The following NFKBIE variants were observed in gnomAD, a reference collection of about 807,000 sequenced individuals.
The protein encoded by NFKBIE is NF-kappa-B inhibitor epsilon.
Under a neutral mutation model 31.6 loss-of-function variants are expected in NFKBIE, and 11 were observed. The ratio of observed to expected loss-of-function variants is 0.35; its 90% CI spans 0.22 to 0.58. The LOEUF is 0.58. Among genes scored for constraint, NFKBIE ranks in the 20% least tolerant of loss-of-function variants. NFKBIE has a pLI of 0.83. For synonymous variants in NFKBIE, 208 were observed against 210.1 expected (o/e 0.99, Z 0.09); for missense variants, 354 against 465.7 (o/e 0.76, Z 2.21).
chr6:44,265,482 G>A lies in NFKBIE; in HGVS notation c.-136C>T, dbSNP rs976281849. On this transcript the variant is annotated 5_prime_UTR_variant, in exon 1 of 6. Transcript: ENST00000619360. ...GCGGCGGCCTCCTTCCCGGGCTGTG[G>A]GGCTCCGAGGGGCCGGCGCGCAGCG... 1.3e-6 allele frequency: 2 copies of A among 1,527,900 alleles called. No homozygotes were observed. Among genetic ancestry groups the A allele is most frequent in the Non-Finnish European group, 1.8e-6 (2 of 1,140,958 alleles). The allele number at this position is 1,527,900 out of a possible 1,614,324, so 94.6% of individuals were successfully genotyped here. A position where few individuals can be genotyped will look rare whatever the true frequency, so the allele number is the denominator to read the frequency against.
At position 44,263,873 on chromosome 6, in the gene NFKBIE, T is replaced by C. The variant is rs1782016878; in HGVS notation, c.365+1109A>G. 6.6e-6 allele frequency among the ~76,000 whole-genome samples: 1 copy of C among 152,102 alleles called. No homozygotes were observed. Among genetic ancestry groups the C allele is most frequent in the Admixed American group, 6.5e-5 (1 of 15,278 alleles). On this transcript the variant is annotated intron_variant, in intron 1 of 5. Coordinates refer to ENST00000619360, the MANE Select transcript of NFKBIE (RefSeq NM_004556.3). The surrounding 1 kb of genome is among the most constrained non-coding windows in gnomAD (Gnocchi z 5.0). ...GAGAGGCTAACAAAAGACGGCAATGTCAAAAGTCCCCTCTCCTTGGATCAA... is the reference window on the plus strand; with the variant it reads ...GAGAGGCTAACAAAAGACGGCAATGCCAAAAGTCCCCTCTCCTTGGATCAA...
rs879295969 is a variant in NFKBIE at position 44,261,242 on chromosome 6, CT to C, written c.691+383del. Among the ~76,000 whole-genome samples the C allele has an allele frequency of 3.9e-5, 6 of 152,188 alleles. No individual in the cohort carries two copies. Among genetic ancestry groups the C allele is most frequent in the Non-Finnish European group, 7.3e-5 (5 of 68,048 alleles). ...TCCTTTTAACATATTACATAGTTCA[CT>C]TCTTACATTTATTGCTCATCTCAAT... On this transcript the variant is annotated intron_variant, in intron 3 of 5. Coordinates refer to ENST00000619360, the MANE Select transcript of NFKBIE (RefSeq NM_004556.3). The surrounding 1 kb of genome is among the most constrained non-coding windows in gnomAD (Gnocchi z 4.3).
Position 44,263,923 on chromosome 6 carries a change from C to T in NFKBIE, c.365+1059G>A, listed in dbSNP as rs1782018935. On this transcript the variant is annotated intron_variant, in intron 1 of 5. Transcript: ENST00000619360. The surrounding 1 kb of genome is among the most constrained non-coding windows in gnomAD (Gnocchi z 5.0). The stretch of plus-strand genomic sequence containing the variant: ...AAGGTCATCAGAGGTATCTTGCGTG[C>T]AGCCCCCAAAACCTTGGGGTTCTGG... Among the ~76,000 whole-genome samples, 1 of 152,170 alleles carries T rather than the reference C, an allele frequency of 6.6e-6. No individual in the cohort carries two copies. Among genetic ancestry groups the T allele is most frequent in the Non-Finnish European group, 1.5e-5 (1 of 68,034 alleles).
rs1781766525 is a variant in NFKBIE, at chr6:44,258,580, A to C, written c.*639T>G. ...AAGGCCCTACCGTGCTCAGGGGACAATTTCCTTCTCTCTGCCTCTACCACA... is the reference window on the plus strand; with the variant it reads ...AAGGCCCTACCGTGCTCAGGGGACACTTTCCTTCTCTCTGCCTCTACCACA... On this transcript the variant is annotated 3_prime_UTR_variant, in exon 6 of 6. Transcript: ENST00000619360. The C allele has an allele frequency of 6.6e-6, 1 of 152,548 alleles. No individual in the cohort carries two copies. 9.4% of individuals were successfully genotyped at this position (152,548 alleles called of 1,614,324 possible).
intron 5 of NFKBIE, 106 bp downstream of exon 5, chr6:44,259,937 G>A: frequency 2.0e-6 from 3 of 1,484,172 alleles, no homozygotes; most frequent in East Asian, 4.7e-5. Flanking sequence ...GCAGAGTCCT[G>A]GTTATACCCC....
In NFKBIE at chr6:44,265,229, G is replaced by T; in HGVS notation, c.118C>A (p.Pro40Thr). Residue 40 changes from proline (P) to threonine (T), a missense_variant, in exon 1 of 6, where the codon CCC becomes ACC. Coordinates refer to ENST00000619360, the MANE Select transcript of NFKBIE (RefSeq NM_004556.3). ...PESTSAPASG[P>T]SDGSPQPCTH... ...CAGGGCTGGGGGCTGCCGTCCGAGG[G>T]CCCGGAGGCTGGAGCCGAGGTGGAC... 6.4e-7 allele frequency: 1 copy of T among 1,552,410 alleles called. No individual in the cohort carries two copies. Among genetic ancestry groups the T allele is most frequent in the Non-Finnish European group, 8.7e-7 (1 of 1,147,460 alleles).
intron 2 of NFKBIE, 32 bp downstream of exon 2, chr6:44,262,528 G>A: frequency 6.3e-7 from 1 of 1,577,574 alleles, no homozygotes; most frequent in Non-Finnish European, 8.7e-7. Context: ...GCACAAACAG[G>A]TATCTGGGCA....
rs765370612 is a variant in NFKBIE, at chr6:44,258,263, A to G, written c.*956T>C. 2 of 152,146 alleles carry G rather than the reference A, an allele frequency of 1.3e-5. No homozygotes were observed. Among genetic ancestry groups the G allele is most frequent in the Non-Finnish European group, 2.9e-5 (2 of 68,046 alleles). 9.4% of individuals were successfully genotyped at this position (152,146 alleles called of 1,614,324 possible). A position where few individuals can be genotyped will look rare whatever the true frequency, so the allele number is the denominator to read the frequency against. ...AAGTGGTCAGAGACTGTGCTGGTTT[A>G]TTGCCCCATGCTCTTCATGCCAGCA... On this transcript the variant is annotated 3_prime_UTR_variant, in exon 6 of 6. Transcript: ENST00000619360.
rs943089575 is a variant in NFKBIE, at chr6:44,258,180, T to A, written c.*1039A>T. On this transcript the variant is annotated 3_prime_UTR_variant, in exon 6 of 6. Coordinates refer to ENST00000619360, the MANE Select transcript of NFKBIE (RefSeq NM_004556.3). ...GCACCCACTGCAACTTGGAAAGGCA[T>A]CTTTATTTGGATGTTTATGCTTTTA... The A allele has an allele frequency of 6.6e-6, 1 of 152,216 alleles. No individual in the cohort carries two copies. The highest frequency in any genetic ancestry group is 2.4e-5 in the African/African-American group (1 of 41,422). The allele number at this position is 152,216 out of a possible 1,614,324, so 9.4% of individuals were successfully genotyped here. A position where few individuals can be genotyped will look rare whatever the true frequency, so the allele number is the denominator to read the frequency against.
At position 44,260,868 on chromosome 6, in the gene NFKBIE, C is replaced by T. The variant is rs1323979744; in HGVS notation, c.692-329G>A. On this transcript the variant is annotated intron_variant, in intron 3 of 5. Transcript: ENST00000619360. This position sits in a 1 kb window ranked among gnomAD's most constrained non-coding sequence, Gnocchi z 5.5. Reference sequence around the variant, plus strand: ...ACACACACACACATACAGACACACACACACACACACACACACACACACAAC... The same window carrying T: ...ACACACACACACATACAGACACACATACACACACACACACACACACACAAC... 7.0e-6 allele frequency among the ~76,000 whole-genome samples: 1 copy of T among 142,252 alleles called. No homozygotes were observed. The highest frequency in any genetic ancestry group is 1.6e-5 in the Non-Finnish European group (1 of 63,040). 93.3% of individuals were successfully genotyped at this position (142,252 alleles called of 152,430 possible). A position where few individuals can be genotyped will look rare whatever the true frequency, so the allele number is the denominator to read the frequency against.
intron 2 of NFKBIE, among the ~76,000 whole-genome samples, chr6:44,262,116 A>T (rs1469889149): frequency 6.6e-6 from 1 of 152,068 alleles, no homozygotes; most frequent in African/African-American, 2.4e-5. Flanking sequence ...TGGAGAAAGG[A>T]CATGTAGGAG....
At chr6:44,259,780 T>C (rs964012944) in intron 5 of NFKBIE, among the ~76,000 whole-genome samples, 1 of 152,196 alleles carries the variant, frequency 6.6e-6, no homozygotes, top group African/African-American at 2.4e-5. Flanking sequence ...GATGGCTCTC[T>C]GGGTTCTTAT....
intron 5 of NFKBIE, among the ~76,000 whole-genome samples, 156 bp from the exon 6 acceptor site, chr6:44,259,440 T>C (rs1781810754): frequency 6.6e-6 from 1 of 152,000 alleles, no homozygotes; most frequent in Non-Finnish European, 1.5e-5. Context: ...CTCAAAATAG[T>C]GGCCCCTCTG....
Position 44,258,986 on chromosome 6 carries a change from G to A in NFKBIE, c.*233C>T, listed in dbSNP as rs1007505776. The stretch of plus-strand genomic sequence containing the variant: ...TCACCCAGGATACCTGGGGCTTTGG[G>A]GGTCTTCCAAGAAGCCCTGTCCACC... On this transcript the variant is annotated 3_prime_UTR_variant, in exon 6 of 6. Transcript: ENST00000619360. The A allele has an allele frequency of 7.5e-6, 3 of 400,890 alleles. No individual in the cohort carries two copies. The highest frequency in any genetic ancestry group is 4.7e-6 in the Non-Finnish European group (1 of 212,906). The allele number at this position is 400,890 out of a possible 1,614,324, so 24.8% of individuals were successfully genotyped here. A position where few individuals can be genotyped will look rare whatever the true frequency, so the allele number is the denominator to read the frequency against.
At chr6:44,262,869 A>G (rs772214211) in intron 1 of NFKBIE, among the ~76,000 whole-genome samples, 12 of 152,016 alleles carry the variant, frequency 7.9e-5, no homozygotes, top group African/African-American at 1.2e-4. Flanking sequence ...GCTGGCCTTC[A>G]GGAGGGCCTT....
chr6:44,261,498 A>C lies in NFKBIE; in HGVS notation c.691+128T>G. On this transcript the variant is annotated intron_variant, in intron 3 of 5. Coordinates refer to ENST00000619360, the MANE Select transcript of NFKBIE (RefSeq NM_004556.3). The surrounding 1 kb of genome is among the most constrained non-coding windows in gnomAD (Gnocchi z 4.3). ...TTTGGCAAAGATGTACTGAATATCTATGTGCTTACAGTGGGAGGGGCACCA... is the reference window on the plus strand; with the variant it reads ...TTTGGCAAAGATGTACTGAATATCTCTGTGCTTACAGTGGGAGGGGCACCA... 1.2e-6 allele frequency: 1 copy of C among 837,740 alleles called. No homozygotes were observed. Among genetic ancestry groups the C allele is most frequent in the Non-Finnish European group, 1.9e-6 (1 of 529,330 alleles). 51.9% of individuals were successfully genotyped at this position (837,740 alleles called of 1,614,324 possible).
chr6:44,260,216 A>C lies in NFKBIE; in HGVS notation c.847T>G (p.Phe283Val). 1 of 1,614,102 alleles carries C rather than the reference A, an allele frequency of 6.2e-7. No homozygotes were observed. The highest frequency in any genetic ancestry group is 8.5e-7 in the Non-Finnish European group (1 of 1,179,964). ...VETQERGLVQFLLQAGAQVDA... is the reference protein window; with the variant it reads ...VETQERGLVQVLLQAGAQVDA... ...ACCTGGGCACCAGCCTGGAGCAGGAACTGTACCAGGCCCCGCTCTTGGGTT... is the reference window on the plus strand; with the variant it reads ...ACCTGGGCACCAGCCTGGAGCAGGACCTGTACCAGGCCCCGCTCTTGGGTT... The change falls in exon 5 of 6, where the codon TTC becomes GTC. Residue 283 changes from phenylalanine (F) to valine (V), a missense_variant. Coordinates refer to ENST00000619360, the MANE Select transcript of NFKBIE (RefSeq NM_004556.3). This position sits in a 1 kb window ranked among gnomAD's most constrained non-coding sequence, Gnocchi z 5.5.
rs1322332758 is a variant in NFKBIE at position 44,265,319 on chromosome 6, C to G, written c.28G>C (p.Glu10Gln). ...GAGTCGTACTGGCTCTCCTCCGCCT[C>G]GTCCGGCCCCTTCCGCGCCTCCGAC... MSEARKGPD[E>Q]AEESQYDSGI... The change falls in exon 1 of 6, where the codon GAG becomes CAG. Residue 10 changes from glutamate to glutamine, a missense_variant. Coordinates refer to ENST00000619360, the MANE Select transcript of NFKBIE (RefSeq NM_004556.3). 6.5e-7 allele frequency: 1 copy of G among 1,548,518 alleles called. No individual in the cohort carries two copies. Among genetic ancestry groups the G allele is most frequent in the Non-Finnish European group, 8.7e-7 (1 of 1,150,502 alleles).
In NFKBIE at chr6:44,263,545, G is replaced by C. The variant is rs1350737126; in HGVS notation, c.366-883C>G. Among the ~76,000 whole-genome samples the C allele has an allele frequency of 4.6e-5, 7 of 152,124 alleles. No homozygotes were observed. The highest frequency in any genetic ancestry group is 1.7e-4 in the African/African-American group (7 of 41,410). On this transcript the variant is annotated intron_variant, in intron 1 of 5. Transcript: ENST00000619360. This position sits in a 1 kb window ranked among gnomAD's most constrained non-coding sequence, Gnocchi z 5.0. ...GGGTGGCAGGCTTTAGCAGCAGGCA[G>C]CAGGAGAGGCCCAGGAGAGTGACGG...
Sources: gnomAD v4.1 joint callset for allele counts (sites outside exome capture counted in the v4.1 genomes callset) on GRCh38, gnomAD v4.1.1 for gene constraint, Gnocchi (gnomAD v3.1) non-coding constraint, MANE v1.5 for transcripts, NCBI Gene and HGNC (gene_info 2026-07-23, HGNC 2026-07-21) for gene names.